Variants in SLC26A5 observed in about 807,000 individuals in gnomAD.
SLC26A5 encodes solute carrier family 26 member 5.
In SLC26A5, 51 loss-of-function variants were observed where a neutral mutation model predicts 81.0. The observed-to-expected ratio is 0.63, with a 90% CI of 0.50 to 0.80. The LOEUF is 0.80. SLC26A5 is among the 30% of genes least tolerant of loss of function. The pLI is 0.00. For missense variants in SLC26A5, 771 were observed against 905.8 expected (o/e 0.85, Z 1.91); for synonymous variants, 325 against 332.8 (o/e 0.98, Z 0.25).
At chr7:103,380,783 T>C (rs1821714026) in intron 14 of SLC26A5, among the ~76,000 whole-genome samples, 2 of 150,912 alleles carry the variant, frequency 1.3e-5, no homozygotes, top group Non-Finnish European at 3.0e-5. Flanking sequence ...CACACACACA[T>C]ACATACCACA....
At chr7:103,380,831 A>G (rs1400574375) in intron 14 of SLC26A5, among the ~76,000 whole-genome samples, 1 of 151,634 alleles carries the variant, frequency 6.6e-6, no homozygotes, top group Non-Finnish European at 1.5e-5. Flanking sequence ...CATACTACAC[A>G]TACACATCCC....
At chr7:103,417,615 A>C (rs73414110) in intron 4 of SLC26A5, among the ~76,000 whole-genome samples, 109 of 152,166 alleles carry the variant, frequency 7.2e-4, no homozygotes, top group African/African-American at 2.5e-3. Context: ...TCCACAGTTG[A>C]TATCTCTAGC....
At position 103,395,626 on chromosome 7, in the gene SLC26A5, C is replaced by T. The variant is rs560268048; in HGVS notation, c.971+2306G>A. ...GCAACCTCCGCCTTCTGGTTTCAAG[C>T]GATTCTCCTGCTTGGCCTTCCAATA... On this transcript the variant is annotated intron_variant, in intron 9 of 19. Coordinates refer to ENST00000306312, the MANE Select transcript of SLC26A5 (RefSeq NM_198999.3). Among the ~76,000 whole-genome samples, 176 of 149,626 alleles carry T rather than the reference C, an allele frequency of 1.2e-3. 3 individuals are homozygous for T. The highest frequency in any genetic ancestry group is 4.1e-3 in the African/African-American group (168 of 40,652).
intron 8 of SLC26A5, among the ~76,000 whole-genome samples, chr7:103,400,589 A>G (rs1823508469): frequency 6.6e-6 from 1 of 152,160 alleles, no homozygotes; most frequent in South Asian, 2.1e-4. Context: ...CCATTTGTCA[A>G]TTTGGCTTTT....
chr7:103,366,117 A>G (rs1429473692), intron 19 of SLC26A5: 2 of 1,613,242 alleles, frequency 1.2e-6, no homozygotes, highest in Non-Finnish European at 1.7e-6. Context: ...TGGCCAGAAC[A>G]AAAAAAGCCT....
At chr7:103,439,736 G>T (rs777522662) in intron 2 of SLC26A5, among the ~76,000 whole-genome samples, 13 of 152,164 alleles carry the variant, frequency 8.5e-5, no homozygotes, top group Non-Finnish European at 1.5e-4. Context: ...ATTTCACCAT[G>T]TTGGTCAGGC....
At chr7:103,369,911 A>G (rs1820933794), downstream of SLC26A5, among the ~76,000 whole-genome samples, 1 of 152,212 alleles carries the variant, frequency 6.6e-6, no homozygotes, top group Admixed American at 6.5e-5. Context: ...GTGAAATGCA[A>G]TACACCAGTA....
At chr7:103,442,671 C>A (rs1208374431) in intron 2 of SLC26A5, among the ~76,000 whole-genome samples, 3 of 152,160 alleles carry the variant, frequency 2.0e-5, no homozygotes, top group Admixed American at 1.3e-4. Context: ...TCATTTTATA[C>A]GTAGAAAAAT....
chr7:103,427,131 T>A (rs1431965072), intron 2 of SLC26A5, among the ~76,000 whole-genome samples: 1 of 151,888 alleles, frequency 6.6e-6, no homozygotes, highest in Non-Finnish European at 1.5e-5. Flanking sequence ...TGGAGTGCAG[T>A]GGCGTGATCT....
chr7:103,390,870 T>C (rs1822587691), intron 11 of SLC26A5, among the ~76,000 whole-genome samples: 1 of 150,506 alleles, frequency 6.6e-6, no homozygotes, highest in Non-Finnish European at 1.5e-5. Context: ...ATTTACTTTT[T>C]TTTTTTTTTT....
intron 19 of SLC26A5, among the ~76,000 whole-genome samples, chr7:103,356,069 T>G (rs950937543): frequency 5.9e-5 from 9 of 152,166 alleles, no homozygotes; most frequent in African/African-American, 9.7e-5. Context: ...CGTTGCCCTT[T>G]CCTCAAACGT....
At chr7:103,354,042 G>T in intron 19 of SLC26A5, 1 of 1,114,736 alleles carries the variant, frequency 9.0e-7, no homozygotes. Flanking sequence ...AAAATAATTA[G>T]AAGAAGTTAA....
chr7:103,397,540 CAAAAAAAA>C (rs746669151), intron 9 of SLC26A5, among the ~76,000 whole-genome samples: 3 of 39,884 alleles, frequency 7.5e-5, no homozygotes, highest in African/African-American at 2.2e-4. Context: ...GACTCCATCT[CAAAAAAAA>C]AAAAAAAAAA....
At chr7:103,368,166 C>A in intron 19 of SLC26A5, 2 of 910,220 alleles carry the variant, frequency 2.2e-6, no homozygotes, top group East Asian at 2.7e-5. Context: ...TGCTTTTTTC[C>A]ATATCTCTTC....
At chr7:103,360,683 T>C (rs1449042093) in intron 19 of SLC26A5, among the ~76,000 whole-genome samples, 1 of 152,236 alleles carries the variant, frequency 6.6e-6, no homozygotes, top group Non-Finnish European at 1.5e-5. Context: ...AGTTCTGTTT[T>C]TTGTTTTTGT....
chr7:103,429,947 GC>G (rs1292620968), intron 2 of SLC26A5, among the ~76,000 whole-genome samples: 1 of 152,022 alleles, frequency 6.6e-6, no homozygotes, highest in Non-Finnish European at 1.5e-5. Context: ...ACTTTCAGAG[GC>G]AAAAACAATA....
Position 103,389,310 on chromosome 7 carries a change from C to A in SLC26A5, c.1407+19G>T. On this transcript the variant is annotated intron_variant, in intron 13 of 19. Coordinates refer to ENST00000306312, the MANE Select transcript of SLC26A5 (RefSeq NM_198999.3). ...CTGCTCTATGACATATTAACAGAGCCATCACCTTTGTTACTTACCAGCTCT... is the reference window on the plus strand; with the variant it reads ...CTGCTCTATGACATATTAACAGAGCAATCACCTTTGTTACTTACCAGCTCT... 1 of 1,531,472 alleles carries A rather than the reference C, an allele frequency of 6.5e-7. No individual in the cohort carries two copies. Among genetic ancestry groups the A allele is most frequent in the Non-Finnish European group, 9.1e-7 (1 of 1,104,706 alleles). 94.9% of individuals were successfully genotyped at this position (1,531,472 alleles called of 1,614,324 possible). A position where few individuals can be genotyped will look rare whatever the true frequency, so the allele number is the denominator to read the frequency against.
chr7:103,389,939 A>T (rs1387042642), intron 12 of SLC26A5, among the ~76,000 whole-genome samples: 1 of 152,144 alleles, frequency 6.6e-6, no homozygotes, highest in Admixed American at 6.5e-5. Flanking sequence ...AATCATTCTT[A>T]TATCCTAATA....
intron 18 of SLC26A5, among the ~76,000 whole-genome samples, chr7:103,377,262 A>C (rs1357951861): frequency 6.6e-6 from 1 of 152,174 alleles, no homozygotes; most frequent in African/African-American, 2.4e-5. Context: ...TATTACAGTA[A>C]TGTTTTCTAA....
Sources: allele counts gnomAD v4.1 joint callset (sites outside exome capture counted in the v4.1 genomes callset), GRCh38; gene constraint gnomAD v4.1.1; transcripts MANE v1.5; gene names NCBI Gene and HGNC (gene_info 2026-07-23, HGNC 2026-07-21).